The following ATP9B variants were observed in gnomAD, a reference collection of about 807,000 sequenced individuals.
ATP9B encodes probable phospholipid-transporting ATPase IIB.
A neutral mutation model predicts 146.1 loss-of-function variants in ATP9B; 110 were observed. The ratio of observed to expected loss-of-function variants is 0.75; its 90% CI spans 0.65 to 0.88. ATP9B has a LOEUF of 0.88. Ranked by LOEUF, ATP9B falls within the 40% of genes least tolerant of loss-of-function variation. The pLI, the probability that ATP9B is intolerant of heterozygous loss-of-function variation, is 0.00. For missense variants in ATP9B, 1,499 were observed against 1,496.4 expected, an observed-to-expected ratio of 1.00 and a Z score of -0.03; for synonymous variants, 604 against 569.7, an observed-to-expected ratio of 1.06 and a Z score of -0.86.
intron 7 of ATP9B, among the ~76,000 whole-genome samples, chr18:79,160,036 T>C (rs1214858742): frequency 6.6e-6 from 1 of 152,250 alleles, no homozygotes; most frequent in Non-Finnish European, 1.5e-5. Flanking sequence ...TAAGGCAGAA[T>C]TTACATCTGC....
chr18:79,312,611 C>T (rs1009884610), intron 15 of ATP9B, among the ~76,000 whole-genome samples: 8 of 152,178 alleles, frequency 5.3e-5, no homozygotes, highest in Admixed American at 1.3e-4. Flanking sequence ...GGCTCACAAG[C>T]GTCGCCTGCT....
At chr18:79,284,770 C>T (rs1235241104) in intron 13 of ATP9B, among the ~76,000 whole-genome samples, 2 of 148,778 alleles carry the variant, frequency 1.3e-5, no homozygotes, top group African/African-American at 5.0e-5. Context: ...ATCCCTCCCC[C>T]CCACCCCACC....
At chr18:79,287,394 G>A (rs1029688354) in intron 13 of ATP9B, among the ~76,000 whole-genome samples, 22 of 152,226 alleles carry the variant, frequency 1.4e-4, no homozygotes, top group African/African-American at 7.2e-5. Flanking sequence ...AGATTTTCTA[G>A]TTTATTTGCG....
At chr18:79,344,616 G>C (rs935333863) in intron 21 of ATP9B, among the ~76,000 whole-genome samples, 1 of 152,242 alleles carries the variant, frequency 6.6e-6, no homozygotes, top group African/African-American at 2.4e-5. Context: ...CCATTTCGTA[G>C]CAGCGGTATC....
chr18:79,161,570 T>C (rs919395596), intron 7 of ATP9B, among the ~76,000 whole-genome samples: 6 of 152,164 alleles, frequency 3.9e-5, no homozygotes, highest in African/African-American at 1.4e-4. Context: ...AAGTCAGGGC[T>C]GGGCACGGTG....
rs1479822898 is a variant in ATP9B at position 79,319,339 on chromosome 18, A to G, written c.1774-9802A>G. 1.3e-5 allele frequency among the ~76,000 whole-genome samples: 2 copies of G among 152,236 alleles called. 1 individual carries two copies. Among genetic ancestry groups the G allele is most frequent in the Non-Finnish European group, 2.9e-5 (2 of 68,034 alleles). On this transcript the variant is annotated intron_variant, in intron 15 of 29. Transcript: ENST00000426216. ...TGTAGTGTTTGAAATGTGAGTGAAT[A>G]GAGAGGGAACAGTTCCCTAGGGGTC...
chr18:79,341,697 T>C (rs559182815), intron 19 of ATP9B, among the ~76,000 whole-genome samples: 13 of 93,768 alleles, frequency 1.4e-4, no homozygotes, highest in African/African-American at 3.0e-4. Context: ...AGCGTGACCT[T>C]GTTGAAGCCT....
chr18:79,188,243 G>A (rs901633910), intron 8 of ATP9B, among the ~76,000 whole-genome samples: 6 of 152,118 alleles, frequency 3.9e-5, no homozygotes, highest in African/African-American at 1.4e-4. Flanking sequence ...CTATGAAAAA[G>A]GATCATGTGG....
At chr18:79,139,548 T>C (rs570469299) in intron 5 of ATP9B, among the ~76,000 whole-genome samples, 30 of 152,364 alleles carry the variant, frequency 2.0e-4, no homozygotes, top group Non-Finnish European at 2.2e-4. Flanking sequence ...TTTAAATTTT[T>C]GTGAGTACAT....
At chr18:79,300,257 T>G (rs1007841159) in intron 13 of ATP9B, among the ~76,000 whole-genome samples, 5 of 151,844 alleles carry the variant, frequency 3.3e-5, no homozygotes, top group African/African-American at 1.2e-4. Context: ...TGAGGAAAGG[T>G]TGGTGGTGGT....
At chr18:79,214,102 C>A (rs2095606981) in intron 11 of ATP9B, 64 bp downstream of exon 11, 1 of 1,235,222 alleles carries the variant, frequency 8.1e-7, no homozygotes, top group Non-Finnish European at 1.1e-6. Flanking sequence ...AGAAAGTCTG[C>A]ATAGTTCTGA....
chr18:79,292,604 G>A (rs574357324), intron 13 of ATP9B, among the ~76,000 whole-genome samples: 1 of 151,174 alleles, frequency 6.6e-6, no homozygotes, highest in Non-Finnish European at 1.5e-5. Context: ...TAGGGATTCA[G>A]CATGGCTACA....
At chr18:79,209,322 T>C (rs983303080) in intron 10 of ATP9B, among the ~76,000 whole-genome samples, 2 of 152,266 alleles carry the variant, frequency 1.3e-5, no homozygotes, top group African/African-American at 4.8e-5. Flanking sequence ...CTCACTGATA[T>C]TTGTTAATTA....
intron 8 of ATP9B, among the ~76,000 whole-genome samples, chr18:79,178,913 A>T (rs1055035665): frequency 1.3e-5 from 2 of 152,170 alleles, no homozygotes; most frequent in African/African-American, 4.8e-5. Flanking sequence ...GTAATTTTTA[A>T]AATAGTTGGC....
chr18:79,312,919 A>C (rs1295299672), intron 15 of ATP9B, among the ~76,000 whole-genome samples: 2 of 152,202 alleles, frequency 1.3e-5, no homozygotes, highest in African/African-American at 2.4e-5. Context: ...GATCAGTTGA[A>C]GTATTAGATT....
chr18:79,143,664 C>T, intron 5 of ATP9B, 138 bp from the exon 6 acceptor site: 2 of 486,500 alleles, frequency 4.1e-6, no homozygotes, highest in South Asian at 9.7e-5. Context: ...TAGTGACTGT[C>T]TGAAAGTACA....
At chr18:79,181,379 T>A (rs1464810200) in intron 8 of ATP9B, among the ~76,000 whole-genome samples, 3 of 152,182 alleles carry the variant, frequency 2.0e-5, no homozygotes, top group Non-Finnish European at 4.4e-5. Flanking sequence ...GTTTCATGGT[T>A]TTTATCCAGT....
intron 11 of ATP9B, among the ~76,000 whole-genome samples, chr18:79,228,313 A>G (rs2095755945): frequency 6.6e-6 from 1 of 152,236 alleles, no homozygotes; most frequent in Non-Finnish European, 1.5e-5. Flanking sequence ...ATCTTTCCAT[A>G]GAAAATACTG....
intron 9 of ATP9B, 94 bp downstream of exon 9, chr18:79,193,357 A>G (rs747013548): frequency 4.6e-6 from 5 of 1,085,034 alleles, no homozygotes; most frequent in Non-Finnish European, 6.9e-6. Context: ...GAATAAATTC[A>G]AACAGAAGTT....
Sources: allele counts gnomAD v4.1 joint callset (sites outside exome capture counted in the v4.1 genomes callset), GRCh38; gene constraint gnomAD v4.1.1; transcripts MANE v1.5; gene names NCBI Gene and HGNC (gene_info 2026-07-23, HGNC 2026-07-21).